Variants in PARM1 observed in about 807,000 individuals in gnomAD.
The protein encoded by PARM1 is WSC4, cell wall integrity and stress response component 4 homolog.
PARM1 carries 14 observed loss-of-function variants against 24.6 expected under a neutral mutation model. The ratio of observed to expected loss-of-function variants is 0.57; its 90% CI spans 0.38 to 0.89. The LOEUF is 0.89. Among genes scored for constraint, PARM1 ranks in the 40% least tolerant of loss-of-function variants. The pLI is 0.00. For missense variants in PARM1, 362 were observed against 380.4 expected, an observed-to-expected ratio of 0.95 and a Z score of 0.40; for synonymous variants, 179 against 156.6, an observed-to-expected ratio of 1.14 and a Z score of -1.07.
chr4:74,980,240 C>T (rs1430621436), intron 1 of PARM1, among the ~76,000 whole-genome samples: 1 of 152,174 alleles, frequency 6.6e-6, no homozygotes, highest in African/African-American at 2.4e-5. Context: ...CCCAAAGCTT[C>T]TTAAGCTGAT....
rs1306966273 is a variant in PARM1, at chr4:75,048,372, A to G, written c.*2125A>G. 2 of 152,206 alleles carry G rather than the reference A, an allele frequency of 1.3e-5. No homozygotes were observed. The highest frequency in any genetic ancestry group is 1.3e-4 in the Admixed American group (2 of 15,286). 9.4% of individuals were successfully genotyped at this position (152,206 alleles called of 1,614,324 possible). ...AACTAAAAAAGTGGACCTTCTCAGA[A>G]AAAAAGGGCAGCAAATGACCAAGGG... is the stretch of plus-strand genomic sequence containing the variant. On this transcript the variant is annotated 3_prime_UTR_variant, in exon 4 of 4. Coordinates refer to ENST00000307428, the MANE Select transcript of PARM1 (RefSeq NM_015393.4).
intron 1 of PARM1, among the ~76,000 whole-genome samples, chr4:74,989,783 G>T (rs776762627): frequency 1.4e-4 from 22 of 152,100 alleles, no homozygotes; most frequent in Admixed American, 3.3e-4. Context: ...CAGTCATCTC[G>T]TGAGCACACA....
chr4:75,040,152 C>T (rs1723453210), intron 3 of PARM1, among the ~76,000 whole-genome samples: 1 of 152,170 alleles, frequency 6.6e-6, no homozygotes, highest in East Asian at 1.9e-4. Flanking sequence ...GCAGCAGTAA[C>T]ATTCGTTTAC....
intron 2 of PARM1, among the ~76,000 whole-genome samples, chr4:75,019,760 T>C (rs1012963057): frequency 1.3e-5 from 2 of 151,652 alleles, no homozygotes; most frequent in Admixed American, 6.6e-5. Context: ...TCCCAGCACT[T>C]TGGGAGGCCG....
Position 75,048,310 on chromosome 4 carries a change from T to G in PARM1, c.*2063T>G, listed in dbSNP as rs1174166192. 6.6e-6 allele frequency: 1 copy of G among 152,138 alleles called. No individual in the cohort carries two copies. The highest frequency in any genetic ancestry group is 2.4e-5 in the African/African-American group (1 of 41,410). 9.4% of individuals were successfully genotyped at this position (152,138 alleles called of 1,614,324 possible). On this transcript the variant is annotated 3_prime_UTR_variant, in exon 4 of 4. Transcript: ENST00000307428. ...CAGAGTGGGTAATGAGGAGGGGGCT[T>G]ACTGGAATCGTCATATCTCTGAATA...
At chr4:74,949,835 C>CT (rs746995341) in intron 1 of PARM1, among the ~76,000 whole-genome samples, 1,811 of 135,678 alleles carry the variant, frequency 0.013, 24 homozygotes, top group African/African-American at 0.036. Flanking sequence ...GCCTCTTACT[C>CT]TTTTTTTTTT....
intron 2 of PARM1, among the ~76,000 whole-genome samples, chr4:75,027,045 A>G (rs1723194333): frequency 6.6e-6 from 1 of 152,154 alleles, no homozygotes; most frequent in African/African-American, 2.4e-5. Context: ...TGCCCCATCC[A>G]TCAGAGAACA....
intron 3 of PARM1, among the ~76,000 whole-genome samples, chr4:75,036,507 A>G (rs1723375453): frequency 6.6e-6 from 1 of 152,238 alleles, no homozygotes; most frequent in Admixed American, 6.5e-5. Flanking sequence ...AAGCAAGTAT[A>G]TAGCACTGCC....
intron 1 of PARM1, among the ~76,000 whole-genome samples, chr4:74,941,907 T>C (rs1396659931): frequency 6.6e-6 from 1 of 152,226 alleles, no homozygotes; most frequent in Non-Finnish European, 1.5e-5. Flanking sequence ...AAGAGAACCA[T>C]AGCCCTGATA....
At chr4:74,941,730 A>T (rs1721313710) in intron 1 of PARM1, among the ~76,000 whole-genome samples, 1 of 152,170 alleles carries the variant, frequency 6.6e-6, no homozygotes, top group African/African-American at 2.4e-5. Context: ...AAAGGGGGTG[A>T]AGAATAAGAA....
rs1341501666 is a variant in PARM1, at chr4:74,956,210, G to A, written c.43+22840G>A. The A allele has an allele frequency of 2.0e-5, 3 of 152,184 alleles. No individual in the cohort carries two copies. In the East Asian group the frequency reaches 5.8e-4, roughly 29 times the overall value. 9.4% of individuals were successfully genotyped at this position (152,184 alleles called of 1,614,324 possible). A position where few individuals can be genotyped will look rare whatever the true frequency, so the allele number is the denominator to read the frequency against. ...GACATGTACAAAGTCAGAGAGAAAA[G>A]TGCAGAGTTAGAACTCGATGCTGAT... On this transcript the variant is annotated intron_variant, in intron 1 of 3. Transcript: ENST00000307428.
intron 1 of PARM1, among the ~76,000 whole-genome samples, chr4:74,936,464 T>TG (rs1560768692): frequency 3.4e-5 from 5 of 148,032 alleles, no homozygotes; most frequent in South Asian, 2.2e-4. Context: ...TTTTTTTGTT[T>TG]TTTTTTTGAG....
At chr4:74,981,710 A>T (rs1311664139) in intron 1 of PARM1, among the ~76,000 whole-genome samples, 1 of 152,026 alleles carries the variant, frequency 6.6e-6, no homozygotes, top group Non-Finnish European at 1.5e-5. Context: ...CCCCGTCTCT[A>T]CTAAAACTAC....
intron 1 of PARM1, among the ~76,000 whole-genome samples, chr4:74,989,705 C>T (rs1325290885): frequency 1.3e-5 from 2 of 152,116 alleles, no homozygotes; most frequent in Non-Finnish European, 2.9e-5. Flanking sequence ...AATCCCAACC[C>T]TCTAATCCTG....
In PARM1 at chr4:74,998,044, A is replaced by G. The variant is rs149561498; in HGVS notation, c.44-14381A>G. Among the ~76,000 whole-genome samples, 681 of 152,278 alleles carry G rather than the reference A, an allele frequency of 4.5e-3. 6 individuals carry two copies. Among genetic ancestry groups the G allele is most frequent in the African/African-American group, 0.016 (655 of 41,546 alleles). ...ATGTGTTTAATAGCATCTGTCAGCA[A>G]TGGTTGCAGAGTAGCATTTTAATAG... On this transcript the variant is annotated intron_variant, in intron 1 of 3. Coordinates refer to ENST00000307428, the MANE Select transcript of PARM1 (RefSeq NM_015393.4).
At chr4:74,938,274 A>C (rs1165567763) in intron 1 of PARM1, among the ~76,000 whole-genome samples, 1 of 152,208 alleles carries the variant, frequency 6.6e-6, no homozygotes, top group African/African-American at 2.4e-5. Flanking sequence ...ATAACACCCC[A>C]CCGGAAGCAA....
chr4:75,012,792 A>G lies in PARM1; in HGVS notation c.411A>G (p.Thr137=). 6.2e-7 allele frequency: 1 copy of G among 1,613,886 alleles called. No homozygotes were observed. The highest frequency in any genetic ancestry group is 8.5e-7 in the Non-Finnish European group (1 of 1,179,854). ...CTCCTGAAGCAGGCGTGGCAGCTAC[A>G]CTGTCGCAGTCCGCTGCTGAGCCTC... ...SGTPEAGVAA[T]LSQSAAEPPT... The change falls in exon 2 of 4, where the codon ACA becomes ACG. Residue 137 remains threonine, a synonymous_variant. Coordinates refer to ENST00000307428, the MANE Select transcript of PARM1 (RefSeq NM_015393.4).
At chr4:74,985,039 T>C (rs1465571682) in intron 1 of PARM1, among the ~76,000 whole-genome samples, 1 of 152,122 alleles carries the variant, frequency 6.6e-6, no homozygotes, top group Non-Finnish European at 1.5e-5. Context: ...ATTCCAAAAG[T>C]AGACAATGAG....
chr4:74,984,017 A>G (rs1722306682), intron 1 of PARM1, among the ~76,000 whole-genome samples: 1 of 152,170 alleles, frequency 6.6e-6, no homozygotes, highest in Non-Finnish European at 1.5e-5. Context: ...TCAGCCATCC[A>G]AGTAGCTGGA....
Sources: gnomAD v4.1 joint callset for allele counts (sites outside exome capture counted in the v4.1 genomes callset) on GRCh38, gnomAD v4.1.1 for gene constraint, MANE v1.5 for transcripts, NCBI Gene and HGNC (gene_info 2026-07-23, HGNC 2026-07-21) for gene names.